ADAMTS9: variants seen among roughly 807,000 people sequenced by gnomAD.
ADAMTS9 encodes ADAM metallopeptidase with thrombospondin type 1 motif 9.
Under a neutral mutation model 257.1 loss-of-function variants are expected in ADAMTS9, and 107 were observed. That is an observed-to-expected ratio of 0.42 (90% CI 0.36 to 0.49). The LOEUF is 0.49. Ranked by LOEUF, ADAMTS9 falls within the 20% of genes least tolerant of loss-of-function variation. The pLI, the probability that ADAMTS9 is intolerant of heterozygous loss-of-function variation, is 0.03. For missense variants in ADAMTS9, 2,353 were observed against 2,469.1 expected (o/e 0.95, Z 1.00); for synonymous variants, 982 against 880.9 (o/e 1.11, Z -2.03).
intron 28 of ADAMTS9, among the ~76,000 whole-genome samples, chr3:64,580,814 G>A (rs1450400568): frequency 6.6e-6 from 1 of 152,104 alleles, no homozygotes; most frequent in Non-Finnish European, 1.5e-5. Flanking sequence ...CCAGTCCCAG[G>A]GACTTTTATA....
chr3:64,533,248 T>G lies in ADAMTS9; in HGVS notation c.5636A>C (p.Tyr1879Ser). ...CPQGRFSINL[Y>S]GTGLSLTESA... ...TTCAGTTAAAGACAAGCCGGTTCCA[T>G]AAAGGTTGATGCTAAAACGACCCTG... Residue 1879 changes from tyrosine (Y) to serine (S), a missense_variant, in exon 38 of 40, where the codon TAT (tyrosine) becomes TCT (serine). This residue lies in a region of ADAMTS9 where 1,402 missense variants were observed against 1,441.4 expected (regional missense o/e 0.97). Coordinates refer to ENST00000498707, the MANE Select transcript of ADAMTS9 (RefSeq NM_182920.2). 2 of 1,613,954 alleles carry G rather than the reference T, an allele frequency of 1.2e-6. No individual in the cohort carries two copies. Among genetic ancestry groups the G allele is most frequent in the Non-Finnish European group, 1.7e-6 (2 of 1,179,910 alleles).
At chr3:64,610,505 AT>A (rs5849607) in intron 22 of ADAMTS9, among the ~76,000 whole-genome samples, 84,978 of 151,696 alleles carry the variant, frequency 0.56, 26,384 homozygotes, top group African/African-American at 0.85. Flanking sequence ...CACAATTCAT[AT>A]TTTTTTTTAA....
chr3:64,654,150 A>G (rs1700999569), intron 8 of ADAMTS9, among the ~76,000 whole-genome samples: 1 of 152,232 alleles, frequency 6.6e-6, no homozygotes, highest in Non-Finnish European at 1.5e-5. Context: ...AGCTATGACT[A>G]AAGAGAGTGC....
chr3:64,591,408 C>A (rs1248422394), intron 28 of ADAMTS9, among the ~76,000 whole-genome samples: 1 of 151,850 alleles, frequency 6.6e-6, no homozygotes, highest in Admixed American at 6.6e-5. Flanking sequence ...CCACTGCACT[C>A]CAGCCTGGGC....
At chr3:64,517,944 G>A (rs1297538688) in intron 39 of ADAMTS9, among the ~76,000 whole-genome samples, 2 of 152,050 alleles carry the variant, frequency 1.3e-5, no homozygotes, top group Admixed American at 6.6e-5. Context: ...CTGACTCTAG[G>A]TGGGTACATG....
Position 64,631,472 on chromosome 3 carries a change from T to A in ADAMTS9, c.2372A>T (p.Asp791Val). The change falls in exon 16 of 40, where the codon GAC (aspartate) becomes GTC (valine). Residue 791 changes from aspartate to valine, a missense_variant. This residue lies in a region of ADAMTS9 where 360 missense variants were observed against 458.1 expected (regional missense o/e 0.79). Transcript: ENST00000498707. The part of the protein sequence containing the change: ...VRQHSFSGET[D>V]DDNYLALSSS... ...CATCTCACCTAAGTAGTTGTCATCG[T>A]CTGTTTCCCCTGAGAAACTGTGCTG... 2 of 1,614,074 alleles carry A rather than the reference T, an allele frequency of 1.2e-6. No individual in the cohort carries two copies. Among genetic ancestry groups the A allele is most frequent in the Non-Finnish European group, 1.7e-6 (2 of 1,179,898 alleles).
At chr3:64,580,435 G>C (rs888018245) in intron 28 of ADAMTS9, among the ~76,000 whole-genome samples, 2 of 152,172 alleles carry the variant, frequency 1.3e-5, no homozygotes, top group African/African-American at 4.8e-5. Flanking sequence ...TCTACAGCCA[G>C]TCCCCACGAA....
intron 28 of ADAMTS9, among the ~76,000 whole-genome samples, chr3:64,573,694 C>T (rs755273057): frequency 2.0e-5 from 3 of 152,200 alleles, no homozygotes; most frequent in Non-Finnish European, 4.4e-5. Flanking sequence ...CACAGCTCAT[C>T]TGGAAAGTAT....
chr3:64,642,310 A>C (rs1458040079), intron 11 of ADAMTS9, among the ~76,000 whole-genome samples: 2 of 152,186 alleles, frequency 1.3e-5, no homozygotes, highest in African/African-American at 4.8e-5. Flanking sequence ...GGAAATGGGA[A>C]GGGTGGTTAT....
intron 39 of ADAMTS9, among the ~76,000 whole-genome samples, chr3:64,518,416 G>A (rs17070899): frequency 0.015 from 2,253 of 152,226 alleles, 44 homozygotes; most frequent in African/African-American, 0.052. Context: ...AATTGGTTGA[G>A]CTCATTCCTT....
At chr3:64,583,657 C>T (rs2084061724) in intron 28 of ADAMTS9, 1 of 152,126 alleles carries the variant, frequency 6.6e-6, no homozygotes, top group Non-Finnish European at 1.5e-5. Context: ...AAATGTCCAC[C>T]GCAGGCTAAA....
At chr3:64,682,695 G>C (rs1188198064) in intron 2 of ADAMTS9, among the ~76,000 whole-genome samples, 1 of 152,134 alleles carries the variant, frequency 6.6e-6, no homozygotes, top group Non-Finnish European at 1.5e-5. Flanking sequence ...GCATCATCCA[G>C]GAGCTTATTA....
At chr3:64,584,704 C>G (rs901309701) in intron 28 of ADAMTS9, among the ~76,000 whole-genome samples, 13 of 151,986 alleles carry the variant, frequency 8.6e-5, no homozygotes, top group African/African-American at 3.1e-4. Context: ...CTCCCTTATC[C>G]CCTCATCCTG....
intron 39 of ADAMTS9, among the ~76,000 whole-genome samples, chr3:64,517,415 G>GTTTTTTTTTTTTTTT (rs1242670245): frequency 3.6e-3 from 42 of 11,562 alleles, no homozygotes; most frequent in Admixed American, 7.1e-3. Context: ...AATTAAAAAT[G>GTTTTTTTTTTTTTTT]GTTTTTTTTT....
chr3:64,549,109 G>A (rs996397241), intron 31 of ADAMTS9, among the ~76,000 whole-genome samples: 2 of 152,100 alleles, frequency 1.3e-5, no homozygotes, highest in East Asian at 3.9e-4. Flanking sequence ...AGTCCCTTTC[G>A]GCCCCTCTCC....
chr3:64,641,809 G>A lies in ADAMTS9; in HGVS notation c.1856+39C>T, dbSNP rs764734246. ...TTCCCTTTAGGAATTTCATGTTCCT[G>A]CCACGGCAGTAATAACAGTTATACA... is the stretch of plus-strand genomic sequence containing the variant. On this transcript the variant is annotated intron_variant, in intron 12 of 39. Coordinates refer to ENST00000498707, the MANE Select transcript of ADAMTS9 (RefSeq NM_182920.2). The A allele has an allele frequency of 3.1e-6, 5 of 1,607,192 alleles. No homozygotes were observed. The East Asian group carries it at 1.1e-4, about 36-fold the overall frequency.
chr3:64,648,157 G>T (rs905301845), intron 10 of ADAMTS9, 113 bp from the exon 11 acceptor site: 3 of 924,526 alleles, frequency 3.2e-6, no homozygotes, highest in African/African-American at 3.4e-5. Context: ...GGTAAGTGGG[G>T]AAGGAAATTC....
chr3:64,630,122 T>C (rs895802924), intron 16 of ADAMTS9, among the ~76,000 whole-genome samples: 1 of 101,832 alleles, frequency 9.8e-6, no homozygotes, highest in Non-Finnish European at 1.8e-5. Context: ...TAGATCTGAG[T>C]GTAAGCCATG....
At chr3:64,599,457 C>T (rs147198415) in intron 26 of ADAMTS9, among the ~76,000 whole-genome samples, 6 of 152,274 alleles carry the variant, frequency 3.9e-5, no homozygotes, top group African/African-American at 1.4e-4. Context: ...CAAAGGGAGA[C>T]AGATATTTGT....
Sources: gnomAD v4.1 joint callset for allele counts (sites outside exome capture counted in the v4.1 genomes callset) on GRCh38, gnomAD v4.1.1 for gene constraint, gnomAD v4.1.1 regional missense constraint, MANE v1.5 for transcripts, NCBI Gene and HGNC (gene_info 2026-07-23, HGNC 2026-07-21) for gene names.